RPRD2: variants seen among roughly 807,000 people sequenced by gnomAD.
RPRD2 encodes the protein regulation of nuclear pre-mRNA domain-containing protein 2.
A neutral mutation model predicts 104.4 loss-of-function variants in RPRD2; 12 were observed. The observed-to-expected ratio is 0.11, with a 90% confidence interval of 0.07 to 0.19. RPRD2 has a LOEUF of 0.19. Among genes scored for constraint, RPRD2 ranks in the 10% least tolerant of loss-of-function variants. RPRD2 has a pLI of 1.00. For missense variants in RPRD2, 1,543 were observed against 1,790.1 expected, an observed-to-expected ratio of 0.86 and a Z score of 2.49; for synonymous variants, 714 against 684.9, an observed-to-expected ratio of 1.04 and a Z score of -0.66.
intron 1 of RPRD2, among the ~76,000 whole-genome samples, chr1:150,387,567 C>CTTTTTTTTTTTTTTTTTTTTTTTTTT (rs562476167): frequency 1.4e-5 from 1 of 73,798 alleles, no homozygotes; most frequent in Non-Finnish European, 2.5e-5. Flanking sequence ...TGCAACAGAC[C>CTTTTTTTTTTTTTTTTTTTTTTTTTT]TTTTTTTTTT....
chr1:150,388,375 C>CAT (rs1553882411), intron 1 of RPRD2, among the ~76,000 whole-genome samples: 1 of 142,962 alleles, frequency 7.0e-6, no homozygotes, highest in Non-Finnish European at 1.5e-5. Context: ...CATGTATACA[C>CAT]ATATACACGT....
At chr1:150,382,625 C>T (rs1661221856) in intron 1 of RPRD2, among the ~76,000 whole-genome samples, 1 of 152,206 alleles carries the variant, frequency 6.6e-6, no homozygotes. Flanking sequence ...ACCCAAAGTG[C>T]TGGGATTACA....
chr1:150,423,972 A>G (rs587645608), intron 2 of RPRD2, among the ~76,000 whole-genome samples: 1 of 151,866 alleles, frequency 6.6e-6, no homozygotes, highest in South Asian at 2.1e-4. Context: ...TTGTACTTTC[A>G]GTAGAGACGG....
intron 1 of RPRD2, among the ~76,000 whole-genome samples, chr1:150,397,817 G>A (rs1436472550): frequency 6.7e-6 from 1 of 149,508 alleles, no homozygotes; most frequent in Non-Finnish European, 1.5e-5. Context: ...CGCCATCTCC[G>A]CTCACTGCAG....
chr1:150,419,847 C>G (rs947574152), intron 2 of RPRD2, among the ~76,000 whole-genome samples: 1 of 152,100 alleles, frequency 6.6e-6, no homozygotes, highest in African/African-American at 2.4e-5. Flanking sequence ...AGGCTGGTCT[C>G]GAACTCCTGA....
chr1:150,373,399 G>C (rs1350129374), intron 1 of RPRD2, among the ~76,000 whole-genome samples: 3 of 152,036 alleles, frequency 2.0e-5, no homozygotes, highest in Non-Finnish European at 2.9e-5. Context: ...GTAAAATATT[G>C]ATGGCTTGGA....
At chr1:150,432,573 A>G (rs1003013533) in intron 2 of RPRD2, among the ~76,000 whole-genome samples, 8 of 150,714 alleles carry the variant, frequency 5.3e-5, no homozygotes, top group Non-Finnish European at 8.8e-5. Context: ...TGTACATTTA[A>G]TGGCTGAAAT....
intron 2 of RPRD2, among the ~76,000 whole-genome samples, chr1:150,432,411 C>A (rs1248660366): frequency 6.6e-6 from 1 of 151,700 alleles, no homozygotes; most frequent in Non-Finnish European, 1.5e-5. Context: ...TATGTCCCCC[C>A]GAAATTCATA....
intron 6 of RPRD2, 89 bp from the exon 7 acceptor site, chr1:150,446,137 A>G: frequency 3.4e-6 from 3 of 882,958 alleles, no homozygotes; most frequent in Non-Finnish European, 5.1e-6. Flanking sequence ...GAGTATGTTC[A>G]CAAAGAGAGG....
At chr1:150,406,433 GTC>G (rs1560175742) in intron 1 of RPRD2, among the ~76,000 whole-genome samples, 2 of 152,132 alleles carry the variant, frequency 1.3e-5, no homozygotes, top group East Asian at 3.9e-4. Context: ...TGAGACAAGA[GTC>G]TCTCTCTGTT....
chr1:150,473,426 T>A lies in RPRD2; in HGVS notation c.*92T>A. 7.5e-7 allele frequency: 1 copy of A among 1,328,980 alleles called. No homozygotes were observed. 82.3% of individuals were successfully genotyped at this position (1,328,980 alleles called of 1,614,324 possible). On this transcript the variant is annotated 3_prime_UTR_variant, in exon 11 of 11. Coordinates refer to ENST00000369068, the MANE Select transcript of RPRD2 (RefSeq NM_015203.5). Reference sequence around the variant, plus strand: ...TTGTTGTTTTTATTTGTTTTCTCTTTCTCGATTTTTTTTTTATTATAACAA... The same window carrying A: ...TTGTTGTTTTTATTTGTTTTCTCTTACTCGATTTTTTTTTTATTATAACAA...
intron 1 of RPRD2, among the ~76,000 whole-genome samples, chr1:150,412,660 T>C (rs1024506576): frequency 6.6e-6 from 1 of 152,188 alleles, no homozygotes. Flanking sequence ...TAAAGGAAGC[T>C]AAAGTGTTTC....
intron 2 of RPRD2, among the ~76,000 whole-genome samples, chr1:150,428,782 T>G (rs1168718017): frequency 6.6e-6 from 1 of 152,166 alleles, no homozygotes; most frequent in Non-Finnish European, 1.5e-5. Flanking sequence ...GGTACAAGAT[T>G]GTGGTGTTTA....
At chr1:150,448,986 TG>T in intron 7 of RPRD2, among the ~76,000 whole-genome samples, 1 of 152,180 alleles carries the variant, frequency 6.6e-6, no homozygotes, top group Non-Finnish European at 1.5e-5. Flanking sequence ...TGTCTTAGGC[TG>T]GGCACAGTGG....
intron 1 of RPRD2, among the ~76,000 whole-genome samples, chr1:150,413,134 A>G (rs373085080): frequency 6.6e-6 from 1 of 152,158 alleles, no homozygotes; most frequent in Non-Finnish European, 1.5e-5. Flanking sequence ...AAACAGCAAT[A>G]GTAGGAAGGG....
intron 1 of RPRD2, among the ~76,000 whole-genome samples, chr1:150,393,490 A>AT (rs1343552619): frequency 1.3e-5 from 2 of 151,892 alleles, no homozygotes; most frequent in Admixed American, 1.3e-4. Context: ...AATAAAAAAA[A>AT]CATTGGGTGA....
chr1:150,466,615 ATTATTTATTATT>A (rs1170686347), intron 10 of RPRD2, among the ~76,000 whole-genome samples: 15 of 150,508 alleles, frequency 1.0e-4, no homozygotes, highest in Admixed American at 2.0e-4. Context: ...TAGAGGCTTC[ATTATTTATTATT>A]TTATTTATTA....
intron 1 of RPRD2, among the ~76,000 whole-genome samples, chr1:150,397,841 G>A (rs1410358638): frequency 6.6e-6 from 1 of 152,004 alleles, no homozygotes; most frequent in Non-Finnish European, 1.5e-5. Flanking sequence ...CTGCTTCCCG[G>A]ATTCAAGCGA....
intron 1 of RPRD2, among the ~76,000 whole-genome samples, chr1:150,406,036 C>T (rs1663447047): frequency 6.6e-6 from 1 of 152,128 alleles, no homozygotes. Context: ...GACAATGAAT[C>T]ATATGCTGAA....
Sources: gnomAD v4.1 joint callset for allele counts (sites outside exome capture counted in the v4.1 genomes callset) on GRCh38, gnomAD v4.1.1 for gene constraint, MANE v1.5 for transcripts, NCBI Gene and HGNC (gene_info 2026-07-23, HGNC 2026-07-21) for gene names.